FOXP2: variants seen among roughly 807,000 people sequenced by gnomAD.
FOXP2 encodes forkhead box P2, also known as forkhead box protein P2.
A neutral mutation model predicts 115.8 loss-of-function variants in FOXP2; 12 were observed. That is an observed-to-expected ratio of 0.10 (90% CI 0.07 to 0.17). The LOEUF is 0.17. Among genes scored for constraint, FOXP2 ranks in the 10% least tolerant of loss-of-function variants. The pLI, the probability that FOXP2 is intolerant of heterozygous loss-of-function variation, is 1.00. For synonymous variants in FOXP2, 328 were observed against 297.7 expected (o/e 1.10, Z -1.05); for missense variants, 629 against 843.5 (o/e 0.75, Z 3.15).
Position 114,525,236 on chromosome 7 carries a change from T to C in FOXP2, c.169-9381T>C, listed in dbSNP as rs576527530. Among the ~76,000 whole-genome samples the C allele has an allele frequency of 1.3e-5, 2 of 152,326 alleles. 1 individual carries two copies. The highest frequency in any genetic ancestry group is 4.1e-4 in the South Asian group (2 of 4,830). On this transcript the variant is annotated intron_variant, in intron 2 of 16. Coordinates refer to ENST00000350908, the MANE Select transcript of FOXP2 (RefSeq NM_014491.4). ...AGCATCATATACCTAGAAGAACTGA[T>C]ACTCACTGGAGGAACCCGAATTCCA...
intron 2 of FOXP2, among the ~76,000 whole-genome samples, chr7:114,523,990 G>A (rs1798746483): frequency 6.6e-6 from 1 of 152,138 alleles, no homozygotes; most frequent in East Asian, 1.9e-4. Context: ...TCTAACTAGA[G>A]TTGTCAGGTT....
At chr7:114,637,884 G>A (rs1805310976) in intron 6 of FOXP2, among the ~76,000 whole-genome samples, 1 of 152,044 alleles carries the variant, frequency 6.6e-6, no homozygotes, top group Non-Finnish European at 1.5e-5. Context: ...CTCTAATATA[G>A]GGATAATAAG....
intron 2 of FOXP2, among the ~76,000 whole-genome samples, chr7:114,530,912 C>A (rs975299925): frequency 6.6e-6 from 1 of 151,796 alleles, no homozygotes; most frequent in Non-Finnish European, 1.5e-5. Flanking sequence ...TGCAGCCTAA[C>A]AAAATGTTTA....
At chr7:114,236,495 G>A (rs1163715501) in intron 1 of FOXP2, among the ~76,000 whole-genome samples, 4 of 152,058 alleles carry the variant, frequency 2.6e-5, no homozygotes, top group African/African-American at 2.4e-5. Context: ...CTTCTACTTC[G>A]AATTGTAAAT....
chr7:114,610,413 G>A (rs1341160830), intron 3 of FOXP2, among the ~76,000 whole-genome samples: 1 of 152,066 alleles, frequency 6.6e-6, no homozygotes, highest in Admixed American at 6.5e-5. Context: ...TATTTAAAAT[G>A]CAGAAAATGC....
intron 2 of FOXP2, among the ~76,000 whole-genome samples, chr7:114,311,039 C>T (rs894324140): frequency 6.6e-6 from 1 of 152,082 alleles, no homozygotes; most frequent in Non-Finnish European, 1.5e-5. Flanking sequence ...CGACCAATTT[C>T]GGAGATCTTA....
At chr7:114,287,905 TTTTTA>T (rs1381536206) in intron 1 of FOXP2, 3 of 288,142 alleles carry the variant, frequency 1.0e-5, no homozygotes, top group Non-Finnish European at 2.1e-5. Flanking sequence ...ACATTAACAA[TTTTTA>T]TTTTAAAGGA....
At chr7:114,427,439 T>A (rs916671032) in intron 2 of FOXP2, among the ~76,000 whole-genome samples, 2 of 151,520 alleles carry the variant, frequency 1.3e-5, no homozygotes, top group Non-Finnish European at 3.0e-5. Context: ...AATAGCCACT[T>A]CATTCTTCAC....
At chr7:114,613,509 A>G (rs1338310245) in intron 3 of FOXP2, among the ~76,000 whole-genome samples, 1 of 151,994 alleles carries the variant, frequency 6.6e-6, no homozygotes, top group Non-Finnish European at 1.5e-5. Flanking sequence ...CCCCGTCTCT[A>G]CTAAAAATAC....
chr7:114,154,535 AC>A (rs1376082511), intron 1 of FOXP2, among the ~76,000 whole-genome samples: 8 of 152,122 alleles, frequency 5.3e-5, no homozygotes, highest in African/African-American at 1.9e-4. Context: ...TAGTTTTGAT[AC>A]CCTTATTTGA....
At chr7:114,652,842 A>G (rs1806351824) in intron 9 of FOXP2, among the ~76,000 whole-genome samples, 1 of 152,174 alleles carries the variant, frequency 6.6e-6, no homozygotes, top group Non-Finnish European at 1.5e-5. Context: ...ATGATAATAC[A>G]CACATGTTGT....
intron 2 of FOXP2, among the ~76,000 whole-genome samples, chr7:114,449,081 C>T (rs1794960135): frequency 6.6e-6 from 1 of 151,998 alleles, no homozygotes; most frequent in Non-Finnish European, 1.5e-5. Flanking sequence ...ATTGTCCCCA[C>T]AGCATTGTTG....
At chr7:114,655,878 A>G (rs1445106146) in intron 10 of FOXP2, among the ~76,000 whole-genome samples, 2 of 152,160 alleles carry the variant, frequency 1.3e-5, no homozygotes, top group Non-Finnish European at 2.9e-5. Flanking sequence ...CCTTTTGGCC[A>G]TGCTATGGAT....
chr7:114,147,911 A>G (rs1792419219), intron 1 of FOXP2, among the ~76,000 whole-genome samples: 1 of 152,134 alleles, frequency 6.6e-6, no homozygotes, highest in Non-Finnish European at 1.5e-5. Flanking sequence ...GCCTTGCCAC[A>G]CAGTAGGTAC....
At chr7:114,250,552 A>T (rs1795413834) in intron 1 of FOXP2, among the ~76,000 whole-genome samples, 1 of 152,152 alleles carries the variant, frequency 6.6e-6, no homozygotes, top group African/African-American at 2.4e-5. Context: ...GCCAGTGATG[A>T]TGAGCATTTT....
rs1808725441 is a variant in FOXP2, at chr7:114,692,623, T to A, written c.*2697T>A. 4 of 450,318 alleles carry A rather than the reference T, an allele frequency of 8.9e-6. No homozygotes were observed. The highest frequency in any genetic ancestry group is 2.4e-5 in the Admixed American group (1 of 41,868). The allele number at this position is 450,318 out of a possible 1,614,324, so 27.9% of individuals were successfully genotyped here. On this transcript the variant is annotated 3_prime_UTR_variant, in exon 17 of 17. Transcript: ENST00000350908. ...TTCTGCATCTGCTTTGCGTAGCTATTGTAAGGCTTTGAACTAATGTATGTA... is the reference window on the plus strand; with the variant it reads ...TTCTGCATCTGCTTTGCGTAGCTATAGTAAGGCTTTGAACTAATGTATGTA...
chr7:114,386,062 C>G (rs906134659), intron 2 of FOXP2, among the ~76,000 whole-genome samples: 7 of 152,222 alleles, frequency 4.6e-5, no homozygotes, highest in African/African-American at 1.7e-4. Context: ...AAGCCTTTAG[C>G]ATGATCGGGA....
intron 1 of FOXP2, among the ~76,000 whole-genome samples, chr7:114,245,334 G>A (rs1189652009): frequency 6.6e-6 from 1 of 152,164 alleles, no homozygotes; most frequent in Non-Finnish European, 1.5e-5. Context: ...TTCATGAGAA[G>A]AATGAGAAAA....
intron 2 of FOXP2, among the ~76,000 whole-genome samples, chr7:114,375,992 C>A (rs1281270274): frequency 1.3e-5 from 2 of 152,184 alleles, no homozygotes; most frequent in African/African-American, 2.4e-5. Context: ...TGGACATAAT[C>A]TGTCAAAGTG....
Sources: gnomAD v4.1 joint callset for allele counts (sites outside exome capture counted in the v4.1 genomes callset) on GRCh38, gnomAD v4.1.1 for gene constraint, MANE v1.5 for transcripts, NCBI Gene and HGNC (gene_info 2026-07-23, HGNC 2026-07-21) for gene names.